The following ILRUN variants were observed in gnomAD, a reference collection of about 807,000 sequenced individuals.
The protein encoded by ILRUN is inflammation and lipid regulator with UBA-like and NBR1-like domains.
Under a neutral mutation model 33.8 loss-of-function variants are expected in ILRUN, and 3 were observed. The observed-to-expected ratio is 0.09, with a 90% confidence interval of 0.04 to 0.23. The LOEUF is 0.23. ILRUN is among the 10% of genes least tolerant of loss of function. ILRUN has a pLI of 1.00. For missense variants in ILRUN, 210 were observed against 375.1 expected (o/e 0.56, Z 3.64); for synonymous variants, 124 against 138.9 (o/e 0.89, Z 0.75).
At chr6:34,632,682 A>ATT (rs10718642) in intron 3 of ILRUN, among the ~76,000 whole-genome samples, 3 of 143,906 alleles carry the variant, frequency 2.1e-5, no homozygotes, top group Non-Finnish European at 4.6e-5. Flanking sequence ...CACCCGGCTA[A>ATT]TTTTTTTTTT....
chr6:34,605,318 C>CAAAAAAAAAAAAAAAA (rs78612898), intron 4 of ILRUN, among the ~76,000 whole-genome samples: 3 of 74,144 alleles, frequency 4.0e-5, no homozygotes, highest in East Asian at 4.6e-4. Flanking sequence ...AAAACAAAAA[C>CAAAAAAAAAAAAAAAA]AAAAAAAAAA....
At chr6:34,612,884 T>C (rs183844908) in intron 3 of ILRUN, among the ~76,000 whole-genome samples, 1 of 151,914 alleles carries the variant, frequency 6.6e-6, no homozygotes, top group East Asian at 1.9e-4. Context: ...CTACTAAAAA[T>C]ACAAAAAAAT....
chr6:34,630,220 C>G (rs985225190), intron 3 of ILRUN, among the ~76,000 whole-genome samples: 16 of 152,114 alleles, frequency 1.1e-4, no homozygotes, highest in Admixed American at 6.5e-5. Context: ...CAAGATGGAA[C>G]GCTCCTGAGA....
At chr6:34,655,544 G>A (rs779445625) in intron 1 of ILRUN, among the ~76,000 whole-genome samples, 10 of 152,040 alleles carry the variant, frequency 6.6e-5, no homozygotes, top group Non-Finnish European at 1.3e-4. Context: ...AGTACATAAA[G>A]AGCATCCTCA....
At chr6:34,685,360 C>T (rs1267013450) in intron 1 of ILRUN, 1 of 151,942 alleles carries the variant, frequency 6.6e-6, no homozygotes, top group African/African-American at 2.4e-5. Flanking sequence ...TTTTTAAAGA[C>T]TGAGTCTTGC....
chr6:34,669,515 A>G (rs564729629), intron 1 of ILRUN, among the ~76,000 whole-genome samples: 1 of 152,294 alleles, frequency 6.6e-6, no homozygotes, highest in East Asian at 1.9e-4. Flanking sequence ...ATTGCCAGCC[A>G]AAAGACTTCC....
At chr6:34,600,229 C>T (rs940395809) in intron 4 of ILRUN, among the ~76,000 whole-genome samples, 5 of 152,196 alleles carry the variant, frequency 3.3e-5, no homozygotes, top group South Asian at 2.1e-4. Context: ...GCCCGCAAAA[C>T]GCTCCACAAT....
In ILRUN at chr6:34,596,402, T is replaced by C. The variant is rs929761815; in HGVS notation, c.862-5802A>G. ...CGTGATCTTGACTCACTGTAACCTC[T>C]ACCTCCTGGGTTCAAGCAATTCTCC... On this transcript the variant is annotated intron_variant, in intron 4 of 4. Transcript: ENST00000374023. 3.3e-5 allele frequency among the ~76,000 whole-genome samples: 5 copies of C among 152,116 alleles called. No individual in the cohort carries two copies. In the South Asian group the frequency reaches 1.0e-3, roughly 32 times the overall value.
intron 1 of ILRUN, among the ~76,000 whole-genome samples, chr6:34,670,014 C>T (rs1763083763): frequency 6.6e-6 from 1 of 151,856 alleles, no homozygotes; most frequent in Non-Finnish European, 1.5e-5. Context: ...CAGGTTCAAG[C>T]GATTCTCCTG....
chr6:34,655,641 C>A (rs971416180), intron 1 of ILRUN, among the ~76,000 whole-genome samples: 1 of 151,960 alleles, frequency 6.6e-6, no homozygotes, highest in South Asian at 2.1e-4. Context: ...TTAACTCTTC[C>A]ACAAATAAGC....
intron 1 of ILRUN, among the ~76,000 whole-genome samples, chr6:34,655,149 A>T (rs1199168766): frequency 6.6e-6 from 1 of 152,104 alleles, no homozygotes; most frequent in Non-Finnish European, 1.5e-5. Context: ...TTATTTGTTA[A>T]TATTAAAAAA....
At chr6:34,647,566 G>C (rs922676928) in intron 2 of ILRUN, among the ~76,000 whole-genome samples, 2 of 151,960 alleles carry the variant, frequency 1.3e-5, no homozygotes, top group Non-Finnish European at 2.9e-5. Context: ...TAGAGTTACA[G>C]GTTAAATTTA....
chr6:34,614,443 A>AAAAAAAAAAAAATATAT (rs71000073), intron 3 of ILRUN, among the ~76,000 whole-genome samples: 48 of 133,556 alleles, frequency 3.6e-4, no homozygotes, highest in African/African-American at 1.4e-3. Context: ...AAAAAAAAAA[A>AAAAAAAAAAAAATATAT]ATATATATAT....
Position 34,683,475 on chromosome 6 carries a change from CATAT to C in ILRUN, c.158+12967_158+12970del, listed in dbSNP as rs1193684499. Among the ~76,000 whole-genome samples, 76 of 79,890 alleles carry C rather than the reference CATAT, an allele frequency of 9.5e-4. 2 individuals are homozygous for C. The highest frequency in any genetic ancestry group is 5.1e-3 in the African/African-American group (76 of 14,924). The allele number at this position is 79,890 out of a possible 152,430, so 52.4% of individuals were successfully genotyped here. ...ATACATATATATACATATATATACACATATATATATACATATATATATACATATA... is the reference window on the plus strand; with the variant it reads ...ATACATATATATACATATATATACACATATATACATATATATATACATATA... On this transcript the variant is annotated intron_variant, in intron 1 of 4. Transcript: ENST00000374023.
In ILRUN at chr6:34,691,787, C is replaced by G. The variant is rs897984174; in HGVS notation, c.158+4659G>C. Among the ~76,000 whole-genome samples the G allele has an allele frequency of 2.0e-5, 3 of 150,610 alleles. No individual in the cohort carries two copies. In the East Asian group the frequency reaches 5.8e-4, roughly 29 times the overall value. ...CTCCGGCCTGGGCGACAGAGCAAAA[C>G]TCTGTCTCAAAAAAAAAAAGAAGTA... On this transcript the variant is annotated intron_variant, in intron 1 of 4. Coordinates refer to ENST00000374023, the MANE Select transcript of ILRUN (RefSeq NM_024294.4).
chr6:34,607,567 C>T (rs1761661228), intron 3 of ILRUN, among the ~76,000 whole-genome samples: 1 of 152,162 alleles, frequency 6.6e-6, no homozygotes, highest in Non-Finnish European at 1.5e-5. Flanking sequence ...GTCATACAGT[C>T]ATGCATTGCT....
At chr6:34,615,146 G>T (rs151200298) in intron 3 of ILRUN, among the ~76,000 whole-genome samples, 62 of 152,294 alleles carry the variant, frequency 4.1e-4, no homozygotes, top group African/African-American at 1.3e-3. Flanking sequence ...TCTTTAACAA[G>T]TGTACTATGA....
chr6:34,616,606 T>C, intron 3 of ILRUN: 2 of 1,573,538 alleles, frequency 1.3e-6, no homozygotes, highest in South Asian at 1.1e-5. Flanking sequence ...GAAGGAATTT[T>C]GCAGAGCTGA....
chr6:34,627,522 G>C (rs1384755949), intron 3 of ILRUN, among the ~76,000 whole-genome samples: 1 of 152,156 alleles, frequency 6.6e-6, no homozygotes, highest in African/African-American at 2.4e-5. Flanking sequence ...ATTCCTACCA[G>C]TATTTGGTAT....
Sources: gnomAD v4.1 joint callset for allele counts (sites outside exome capture counted in the v4.1 genomes callset) on GRCh38, gnomAD v4.1.1 for gene constraint, MANE v1.5 for transcripts, NCBI Gene and HGNC (gene_info 2026-07-23, HGNC 2026-07-21) for gene names.